The following EYA2 variants were observed in gnomAD, a reference collection of about 807,000 sequenced individuals.
The protein encoded by EYA2 is EYA transcriptional coactivator and phosphatase 2.
Under a neutral mutation model 69.2 loss-of-function variants are expected in EYA2, and 31 were observed. The ratio of observed to expected loss-of-function variants is 0.45; its 90% confidence interval spans 0.34 to 0.60. The LOEUF (loss-of-function observed/expected upper bound fraction) is 0.60, where lower values mean the gene tolerates loss of function less well. Among genes scored for constraint, EYA2 ranks in the 20% least tolerant of loss-of-function variants. The pLI, the probability that EYA2 is intolerant of heterozygous loss-of-function variation, is 0.02. For synonymous variants in EYA2, 257 were observed against 279.4 expected (o/e 0.92, Z 0.80); for missense variants, 622 against 701.2 (o/e 0.89, Z 1.28).
intron 5 of EYA2, among the ~76,000 whole-genome samples, chr20:47,050,920 C>G (rs986708065): frequency 2.0e-5 from 3 of 152,382 alleles, no homozygotes; most frequent in Non-Finnish European, 2.9e-5. Flanking sequence ...CTGGGACAGA[C>G]AGATACAGGA....
chr20:46,962,517 C>T (rs1979537255), intron 1 of EYA2, among the ~76,000 whole-genome samples: 1 of 152,016 alleles, frequency 6.6e-6, no homozygotes. Context: ...GGCCCAGGTG[C>T]CTGCCTCAGC....
At chr20:46,930,235 T>C (rs1985608145) in intron 1 of EYA2, among the ~76,000 whole-genome samples, 2 of 152,224 alleles carry the variant, frequency 1.3e-5, no homozygotes, top group Non-Finnish European at 2.9e-5. Flanking sequence ...TAAAATGACA[T>C]GCATGTACTA....
At chr20:46,936,489 A>T (rs758458931) in intron 1 of EYA2, among the ~76,000 whole-genome samples, 1 of 152,088 alleles carries the variant, frequency 6.6e-6, no homozygotes, top group Non-Finnish European at 1.5e-5. Flanking sequence ...TAAATGAATA[A>T]ATAGCCCTTA....
chr20:47,116,170 CTTTTTTTT>C (rs138828415), intron 9 of EYA2, among the ~76,000 whole-genome samples: 2,235 of 80,174 alleles, frequency 0.028, 61 homozygotes, highest in African/African-American at 0.11. Flanking sequence ...CATCATCCTT[CTTTTTTTT>C]TTTTTTTTTT....
chr20:47,120,595 G>A (rs1448031036), intron 9 of EYA2, among the ~76,000 whole-genome samples: 2 of 152,130 alleles, frequency 1.3e-5, no homozygotes, highest in African/African-American at 2.4e-5. Flanking sequence ...GCCGGGTGAT[G>A]TGACACTGTG....
At chr20:47,008,812 C>G (rs1215351688) in intron 4 of EYA2, among the ~76,000 whole-genome samples, 1 of 152,216 alleles carries the variant, frequency 6.6e-6, no homozygotes, top group Non-Finnish European at 1.5e-5. Flanking sequence ...TTTTCACATT[C>G]ATACAATGGG....
chr20:46,925,231 GAGGGTGACAACTTTAAT>G (rs371102007), intron 1 of EYA2, among the ~76,000 whole-genome samples: 37 of 152,340 alleles, frequency 2.4e-4, no homozygotes, highest in Admixed American at 1.4e-3. Flanking sequence ...AATAAGGCCA[GAGGGTGACAACTTTAAT>G]ATGTCCTTTG....
intron 10 of EYA2, among the ~76,000 whole-genome samples, chr20:47,163,559 G>A (rs972839991): frequency 4.0e-5 from 6 of 151,858 alleles, no homozygotes; most frequent in African/African-American, 9.7e-5. Context: ...TTAGCTGGGC[G>A]TGGTGGTGCA....
intron 5 of EYA2, among the ~76,000 whole-genome samples, chr20:47,053,341 C>G (rs868020791): frequency 2.6e-5 from 4 of 152,180 alleles, no homozygotes; most frequent in African/African-American, 7.2e-5. Flanking sequence ...TGTTTATGTG[C>G]TGAAGGTGTA....
At position 47,091,850 on chromosome 20, in the gene EYA2, A is replaced by T. The variant is rs533570773; in HGVS notation, c.804+2469A>T. 2.6e-5 allele frequency among the ~76,000 whole-genome samples: 4 copies of T among 152,354 alleles called. No homozygotes were observed. The South Asian group carries it at 8.3e-4, about 32-fold the overall frequency. On this transcript the variant is annotated intron_variant, in intron 8 of 15. Transcript: ENST00000327619. ...AGTTTAGAAAGAAAGTAACAAAGAC[A>T]TTGTTGAGAAATCTAGGAATGCCAG...
At chr20:46,931,965 G>T (rs1448720715) in intron 1 of EYA2, among the ~76,000 whole-genome samples, 5 of 150,426 alleles carry the variant, frequency 3.3e-5, no homozygotes, top group African/African-American at 1.2e-4. Context: ...CCTCAGCGCT[G>T]TGATCTAGTA....
intron 5 of EYA2, among the ~76,000 whole-genome samples, chr20:47,019,184 C>T (rs555657031): frequency 2.0e-4 from 31 of 152,238 alleles, no homozygotes; most frequent in African/African-American, 7.5e-4. Context: ...GCCTAGGGCC[C>T]CACCCCCCAC....
intron 10 of EYA2, among the ~76,000 whole-genome samples, chr20:47,154,073 G>C (rs1048853706): frequency 1.6e-4 from 24 of 152,180 alleles, no homozygotes; most frequent in Middle Eastern, 6.8e-3. Flanking sequence ...TTACACGACA[G>C]AAATTTTCTT....
At chr20:46,921,956 T>C (rs1985198754) in intron 1 of EYA2, among the ~76,000 whole-genome samples, 1 of 152,176 alleles carries the variant, frequency 6.6e-6, no homozygotes, top group Admixed American at 6.5e-5. Context: ...ACAGTAAAAC[T>C]CCCTTTCATG....
In EYA2 at chr20:47,002,336, C is replaced by T. The variant is rs144879275; in HGVS notation, c.155+863C>T. Among the ~76,000 whole-genome samples, 349 of 152,294 alleles carry T rather than the reference C, an allele frequency of 2.3e-3. 1 individual carries two copies. Among genetic ancestry groups the T allele is most frequent in the African/African-American group, 8.1e-3 (336 of 41,558 alleles). On this transcript the variant is annotated intron_variant, in intron 3 of 15. Transcript: ENST00000327619. ...TTAAATTCGACATGCATTAGCTATT[C>T]TTCCTGATGCTCTCCCTCTCCCCTA...
chr20:47,161,497 A>G, intron 10 of EYA2: 1 of 448,174 alleles, frequency 2.2e-6, no homozygotes, highest in Non-Finnish European at 4.4e-6. Flanking sequence ...TCCTCCAGGA[A>G]CTTGATCTTC....
intron 5 of EYA2, among the ~76,000 whole-genome samples, chr20:47,062,016 G>T (rs1600679653): frequency 6.6e-6 from 1 of 152,120 alleles, no homozygotes; most frequent in Admixed American, 6.5e-5. Flanking sequence ...TGGGCTCCAT[G>T]ATCCACGATG....
In EYA2 at chr20:46,906,330, C is replaced by T. The variant is rs116787174; in HGVS notation, c.-11+11343C>T. ...ACATTTTAGTTTTAAAACTCATCCC[C>T]GCAGGCTGCGTACGACAAATTCCAC... On this transcript the variant is annotated intron_variant, in intron 1 of 15. Transcript: ENST00000327619. Among the ~76,000 whole-genome samples the T allele has an allele frequency of 4.2e-3, 645 of 152,280 alleles. 5 individuals are homozygous for T. Among genetic ancestry groups the T allele is most frequent in the African/African-American group, 0.014 (594 of 41,562 alleles).
chr20:46,970,977 C>T (rs938676794), intron 1 of EYA2, among the ~76,000 whole-genome samples: 2 of 151,872 alleles, frequency 1.3e-5, no homozygotes, highest in African/African-American at 4.8e-5. Flanking sequence ...GGAAATGGGG[C>T]AGGACTGGCC....
Sources: gnomAD v4.1 joint callset for allele counts (sites outside exome capture counted in the v4.1 genomes callset) on GRCh38, gnomAD v4.1.1 for gene constraint, MANE v1.5 for transcripts, NCBI Gene and HGNC (gene_info 2026-07-23, HGNC 2026-07-21) for gene names.